The following KCTD8 variants were observed in gnomAD, a reference collection of about 807,000 sequenced individuals.
KCTD8 encodes the protein BTB/POZ domain-containing protein KCTD8.
A neutral mutation model predicts 31.5 loss-of-function variants in KCTD8; 27 were observed. The ratio of observed to expected loss-of-function variants is 0.86; its 90% confidence interval spans 0.63 to 1.18. The LOEUF is 1.18. Among genes scored for constraint, KCTD8 ranks in the 50% most tolerant of loss-of-function variants. The pLI, the probability that KCTD8 is intolerant of heterozygous loss-of-function variation, is 0.00. For missense variants in KCTD8, 658 were observed against 647.7 expected (o/e 1.02, Z -0.17); for synonymous variants, 290 against 280.0 (o/e 1.04, Z -0.36).
At chr4:44,274,774 T>G (rs1184157162) in intron 1 of KCTD8, among the ~76,000 whole-genome samples, 2 of 151,812 alleles carry the variant, frequency 1.3e-5, no homozygotes, top group African/African-American at 4.8e-5. Context: ...ATACATTGTA[T>G]CTTCTTTCTA....
intron 1 of KCTD8, among the ~76,000 whole-genome samples, chr4:44,304,532 G>T (rs747051282): frequency 1.3e-5 from 2 of 152,020 alleles, no homozygotes; most frequent in Non-Finnish European, 2.9e-5. Flanking sequence ...AACATAAAGG[G>T]AATAATAAGC....
intron 1 of KCTD8, among the ~76,000 whole-genome samples, chr4:44,181,591 A>C (rs964479823): frequency 6.6e-6 from 1 of 152,090 alleles, no homozygotes; most frequent in East Asian, 1.9e-4. Context: ...GATCTCGGCT[A>C]GCTACAACCT....
chr4:44,374,266 C>T lies in KCTD8; in HGVS notation c.961+73297G>A, dbSNP rs1464847856. 6.6e-5 allele frequency among the ~76,000 whole-genome samples: 10 copies of T among 152,118 alleles called. No individual in the cohort carries two copies. In the East Asian group the frequency reaches 7.7e-4, roughly 12 times the overall value. On this transcript the variant is annotated intron_variant, in intron 1 of 1. Coordinates refer to ENST00000360029, the MANE Select transcript of KCTD8 (RefSeq NM_198353.3). Reference sequence around the variant, plus strand: ...AATCAAGCTGCAGAGGAGAGAACAGCGGGCTGACCTAAAGACTGCTAGCTC... The same window carrying T: ...AATCAAGCTGCAGAGGAGAGAACAGTGGGCTGACCTAAAGACTGCTAGCTC...
intron 1 of KCTD8, among the ~76,000 whole-genome samples, chr4:44,187,565 A>G (rs1713625107): frequency 6.6e-6 from 1 of 152,218 alleles, no homozygotes; most frequent in Non-Finnish European, 1.5e-5. Flanking sequence ...TCACATGCCC[A>G]GGTAGCAACC....
In KCTD8 at chr4:44,411,376, T is replaced by TCAAAAAA. The variant is rs1424541388; in HGVS notation, c.961+36180_961+36186dup. The stretch of plus-strand genomic sequence containing the variant: ...TTGACCAATAGAGTGAGAGCCTGTC[T>TCAAAAAA]CAAAAAAAAAAAAAAAAAAAAAAAA... On this transcript the variant is annotated intron_variant, in intron 1 of 1. Coordinates refer to ENST00000360029, the MANE Select transcript of KCTD8 (RefSeq NM_198353.3). Among the ~76,000 whole-genome samples, 10 of 48,084 alleles carry TCAAAAAA rather than the reference T, an allele frequency of 2.1e-4. 4 individuals carry two copies. The highest frequency in any genetic ancestry group is 2.5e-4 in the Non-Finnish European group (6 of 23,936). 31.5% of individuals were successfully genotyped at this position (48,084 alleles called of 152,430 possible).
intron 1 of KCTD8, among the ~76,000 whole-genome samples, chr4:44,352,981 A>C (rs1560433754): frequency 6.6e-6 from 1 of 152,150 alleles, no homozygotes; most frequent in South Asian, 2.1e-4. Flanking sequence ...ATAAAGGTGC[A>C]TACGATAAAA....
chr4:44,334,689 A>C lies in KCTD8; in HGVS notation c.961+112874T>G, dbSNP rs187588230. On this transcript the variant is annotated intron_variant, in intron 1 of 1. Coordinates refer to ENST00000360029, the MANE Select transcript of KCTD8 (RefSeq NM_198353.3). ...CCTTGAACATAACAACAACAAAAAG[A>C]AAAACCAAGGATATAAACTAATGTA... 7.9e-5 allele frequency among the ~76,000 whole-genome samples: 12 copies of C among 152,238 alleles called. No homozygotes were observed. In the East Asian group the frequency reaches 2.3e-3, roughly 29 times the overall value.
intron 1 of KCTD8, among the ~76,000 whole-genome samples, chr4:44,235,572 T>G (rs1169804541): frequency 1.3e-4 from 7 of 53,256 alleles, no homozygotes; most frequent in African/African-American, 5.4e-4. Flanking sequence ...TATATATATA[T>G]ATATTTAGAG....
chr4:44,231,481 GTTTA>G (rs1175913006), intron 1 of KCTD8, among the ~76,000 whole-genome samples: 9 of 152,188 alleles, frequency 5.9e-5, no homozygotes, highest in East Asian at 3.9e-4. Context: ...TTGGTTTTTA[GTTTA>G]TTTATTTGAG....
At chr4:44,326,841 CA>C (rs1348447114) in intron 1 of KCTD8, among the ~76,000 whole-genome samples, 1 of 151,778 alleles carries the variant, frequency 6.6e-6, no homozygotes, top group African/African-American at 2.4e-5. Flanking sequence ...GCATGAGTAA[CA>C]GGTATTCTGA....
chr4:44,235,191 GT>G (rs34823190), intron 1 of KCTD8, among the ~76,000 whole-genome samples: 34,860 of 136,348 alleles, frequency 0.26, 4,264 homozygotes, highest in Admixed American at 0.29. Context: ...AGTGTGCTGA[GT>G]TTTTTTTTTT....
chr4:44,317,327 C>T (rs1373417929), intron 1 of KCTD8, among the ~76,000 whole-genome samples: 2 of 129,274 alleles, frequency 1.5e-5, no homozygotes, highest in Non-Finnish European at 3.1e-5. Context: ...GCAAGCTCCG[C>T]TTCCCGGGTT....
chr4:44,205,094 CAAAT>C (rs1714264346), intron 1 of KCTD8, among the ~76,000 whole-genome samples: 1 of 151,976 alleles, frequency 6.6e-6, no homozygotes, highest in Admixed American at 6.6e-5. Context: ...AATTATCTTT[CAAAT>C]AAATATGTAT....
chr4:44,286,391 A>C (rs7693169), intron 1 of KCTD8, among the ~76,000 whole-genome samples: 4,905 of 152,212 alleles, frequency 0.032, 263 homozygotes, highest in African/African-American at 0.11. Context: ...GCTCAGGAGA[A>C]AAACGCTGGA....
At chr4:44,397,904 C>A (rs1042319453) in intron 1 of KCTD8, among the ~76,000 whole-genome samples, 1 of 152,114 alleles carries the variant, frequency 6.6e-6, no homozygotes, top group Non-Finnish European at 1.5e-5. Flanking sequence ...GGTTACAAAG[C>A]AGTTGTAGCA....
intron 1 of KCTD8, among the ~76,000 whole-genome samples, chr4:44,416,537 G>T (rs1458030093): frequency 6.6e-6 from 1 of 152,148 alleles, no homozygotes; most frequent in Non-Finnish European, 1.5e-5. Context: ...GATCATAGGG[G>T]CGGATCTCTC....
intron 1 of KCTD8, among the ~76,000 whole-genome samples, chr4:44,179,234 C>T (rs911224237): frequency 6.6e-6 from 1 of 151,896 alleles, no homozygotes; most frequent in African/African-American, 2.4e-5. Context: ...TCTCCTCCCT[C>T]TTGTCTTTCC....
intron 1 of KCTD8, among the ~76,000 whole-genome samples, chr4:44,428,406 C>A (rs1303898595): frequency 1.3e-5 from 2 of 151,580 alleles, no homozygotes; most frequent in African/African-American, 4.8e-5. Context: ...AAGTCAGGAG[C>A]CTAATTTTGC....
At chr4:44,336,488 A>C (rs1164168743) in intron 1 of KCTD8, among the ~76,000 whole-genome samples, 1 of 152,020 alleles carries the variant, frequency 6.6e-6, no homozygotes, top group Admixed American at 6.6e-5. Flanking sequence ...CATTTTATTT[A>C]TGGTGAGTAA....
Sources: allele counts gnomAD v4.1 joint callset (sites outside exome capture counted in the v4.1 genomes callset), GRCh38; gene constraint gnomAD v4.1.1; transcripts MANE v1.5; gene names NCBI Gene and HGNC (gene_info 2026-07-23, HGNC 2026-07-21).